Variants in CDH23 observed in about 807,000 individuals in gnomAD.
CDH23 encodes the protein cadherin-23.
In CDH23, 189 loss-of-function variants were observed where a neutral mutation model predicts 317.1. The observed-to-expected ratio is 0.60, with a 90% CI of 0.53 to 0.67. The LOEUF is 0.67. Among genes scored for constraint, CDH23 ranks in the 30% least tolerant of loss-of-function variants. The probability of loss-of-function intolerance (pLI) is 0.00; values close to 1 mark genes in which losing one functional copy is unlikely to be tolerated. For synonymous variants in CDH23, 1,839 were observed against 1,876.8 expected (o/e 0.98, Z 0.52); for missense variants, 4,401 against 4,592.4 (o/e 0.96, Z 1.20).
At chr10:71,518,867 C>G (rs1854490920) in intron 6 of CDH23, among the ~76,000 whole-genome samples, 1 of 152,212 alleles carries the variant, frequency 6.6e-6, no homozygotes, top group African/African-American at 2.4e-5. Flanking sequence ...CTCCTCCACC[C>G]AGTGGGGTGA....
At chr10:71,650,300 G>A (rs1863105825) in intron 14 of CDH23, among the ~76,000 whole-genome samples, 1 of 152,362 alleles carries the variant, frequency 6.6e-6, no homozygotes, top group South Asian at 2.1e-4. Context: ...GGAATACCAA[G>A]GCAGCCCAGA....
At chr10:71,769,584 A>C (rs4747187) in intron 38 of CDH23, among the ~76,000 whole-genome samples, 74,041 of 151,712 alleles carry the variant, frequency 0.49, 19,073 homozygotes, top group South Asian at 0.66. Flanking sequence ...CATGGAATTA[A>C]CCTTCAGAGG....
At chr10:71,589,721 C>T (rs1352571046) in intron 9 of CDH23, among the ~76,000 whole-genome samples, 1 of 152,200 alleles carries the variant, frequency 6.6e-6, no homozygotes, top group Non-Finnish European at 1.5e-5. Flanking sequence ...TGTGAGCACA[C>T]GCTCCCAGGA....
At chr10:71,742,355 T>C (rs1163366695) in intron 38 of CDH23, among the ~76,000 whole-genome samples, 1 of 152,210 alleles carries the variant, frequency 6.6e-6, no homozygotes, top group Non-Finnish European at 1.5e-5. Flanking sequence ...CCTCTTCCCC[T>C]ACATTGTGTG....
chr10:71,758,711 G>A (rs563932568), intron 38 of CDH23, among the ~76,000 whole-genome samples: 3 of 152,272 alleles, frequency 2.0e-5, no homozygotes, highest in South Asian at 4.1e-4. Flanking sequence ...AGATGGTGAT[G>A]CCTACTTCAT....
At position 71,751,704 on chromosome 10, in the gene CDH23, G is replaced by C. The variant is rs1251754265; in HGVS notation, c.4845+9783G>C. 6.4e-7 allele frequency: 1 copy of C among 1,557,404 alleles called. No individual in the cohort carries two copies. Among genetic ancestry groups the C allele is most frequent in the Non-Finnish European group, 8.7e-7 (1 of 1,155,038 alleles). On this transcript the variant is annotated intron_variant, in intron 38 of 69. Transcript: ENST00000224721. The surrounding 1 kb of genome is among the most constrained non-coding windows in gnomAD (Gnocchi z 4.9). ...AAGAAGACGTCTCCGGGGCCTGGAGGAGACAGGGGGGTGCTGGGCTCCGAA... is the reference window on the plus strand; with the variant it reads ...AAGAAGACGTCTCCGGGGCCTGGAGCAGACAGGGGGGTGCTGGGCTCCGAA...
intron 11 of CDH23, among the ~76,000 whole-genome samples, chr10:71,627,604 G>A (rs10999922): frequency 0.16 from 25,084 of 152,096 alleles, 2,510 homozygotes; most frequent in East Asian, 0.35. Flanking sequence ...TGGCAGCCGC[G>A]GTACCAGTGC....
chr10:71,633,698 G>A (rs1862126137), intron 11 of CDH23, among the ~76,000 whole-genome samples: 2 of 152,166 alleles, frequency 1.3e-5, no homozygotes, highest in African/African-American at 4.8e-5. Context: ...TGGCTCCCAG[G>A]GTTCCAGGAC....
chr10:71,516,343 A>G (rs182439150), intron 6 of CDH23, among the ~76,000 whole-genome samples: 13 of 152,140 alleles, frequency 8.5e-5, no homozygotes, highest in Non-Finnish European at 1.5e-4. Context: ...TGAGAGGTGG[A>G]GGGTCCTTGC....
At chr10:71,582,133 T>C (rs1297840994) in intron 9 of CDH23, among the ~76,000 whole-genome samples, 1 of 152,236 alleles carries the variant, frequency 6.6e-6, no homozygotes, top group East Asian at 1.9e-4. Context: ...CCAGGGGTCC[T>C]TGGGACTCAT....
chr10:71,815,348 G>C lies in CDH23; in HGVS notation c.*70G>C. 1 of 1,412,074 alleles carries C rather than the reference G, an allele frequency of 7.1e-7. No individual in the cohort carries two copies. Among genetic ancestry groups the C allele is most frequent in the Non-Finnish European group, 9.5e-7 (1 of 1,056,902 alleles). The allele number at this position is 1,412,074 out of a possible 1,614,324, so 87.5% of individuals were successfully genotyped here. On this transcript the variant is annotated 3_prime_UTR_variant, in exon 70 of 70. Transcript: ENST00000224721. ...TCCCCTCCCAGGGAGCAAGGGCAGG[G>C]ACAGGGCCGGTCGGGGGGGACCCTC...
At chr10:71,719,475 C>T (rs1866447502) in intron 28 of CDH23, among the ~76,000 whole-genome samples, 1 of 152,200 alleles carries the variant, frequency 6.6e-6, no homozygotes, top group South Asian at 2.1e-4. Context: ...GGGCTAGTCC[C>T]TACCCCTTAC....
At chr10:71,748,254 C>T (rs988006473) in intron 38 of CDH23, 3 of 152,490 alleles carry the variant, frequency 2.0e-5, no homozygotes, top group Non-Finnish European at 2.9e-5. Flanking sequence ...TGTATCAGCC[C>T]CTCTGCCCTG....
At chr10:71,640,365 A>T (rs1029489377) in intron 11 of CDH23, among the ~76,000 whole-genome samples, 1 of 152,204 alleles carries the variant, frequency 6.6e-6, no homozygotes, top group Non-Finnish European at 1.5e-5. Flanking sequence ...AATGCTCTTC[A>T]GTTCTGTCTT....
At chr10:71,491,614 G>T (rs1480554171) in intron 3 of CDH23, among the ~76,000 whole-genome samples, 4 of 152,210 alleles carry the variant, frequency 2.6e-5, no homozygotes, top group Admixed American at 6.5e-5. Context: ...ACAACTAGGA[G>T]TATCACACTT....
chr10:71,504,621 G>T (rs1284627692), intron 3 of CDH23, among the ~76,000 whole-genome samples: 1 of 152,344 alleles, frequency 6.6e-6, no homozygotes. Flanking sequence ...GGCCTAGCTG[G>T]ATGCCCCTTC....
Position 71,709,140 on chromosome 10 carries a change from C to G in CDH23, c.3149C>G (p.Ala1050Gly). 4 of 1,613,960 alleles carry G rather than the reference C, an allele frequency of 2.5e-6. No individual in the cohort carries two copies. Among genetic ancestry groups the G allele is most frequent in the Non-Finnish European group, 3.4e-6 (4 of 1,179,900 alleles). Residue 1050 changes from alanine to glycine, a missense_variant, in exon 27 of 70, where the codon GCC becomes GGC. Around this residue, in one of 3 missense-constraint regions of CDH23, gnomAD observed 3,068 missense variants for 3,203.3 expected, o/e 0.96. Coordinates refer to ENST00000224721, the MANE Select transcript of CDH23 (RefSeq NM_022124.6). ...DGKFSVGYRD[A>G]VVRTVVGLDR... The stretch of plus-strand genomic sequence containing the variant: ...AAGTTCAGCGTGGGTTACCGCGATG[C>G]CGTTGTGAGAACCGTGGTGGGCCTG...
intron 52 of CDH23, among the ~76,000 whole-genome samples, chr10:71,800,176 T>C (rs143424117): frequency 6.4e-4 from 98 of 152,302 alleles, no homozygotes; most frequent in African/African-American, 2.3e-3. Flanking sequence ...ATTTTCAGTA[T>C]AGAGAGAGAG....
chr10:71,401,695 C>CATAGGCCCCATA (rs1564556506), intron 1 of CDH23, among the ~76,000 whole-genome samples: 1 of 152,098 alleles, frequency 6.6e-6, no homozygotes, highest in East Asian at 1.9e-4. Flanking sequence ...AACTGAAAAG[C>CATAGGCCCCATA]ATAGGCCCCA....
Sources: allele counts gnomAD v4.1 joint callset (sites outside exome capture counted in the v4.1 genomes callset), GRCh38; gene constraint gnomAD v4.1.1; regional missense constraint gnomAD v4.1.1; non-coding constraint Gnocchi (gnomAD v3.1); transcripts MANE v1.5; gene names NCBI Gene and HGNC (gene_info 2026-07-23, HGNC 2026-07-21).